TRPC1: variants seen among roughly 807,000 people sequenced by gnomAD.
TRPC1 encodes the protein transient receptor potential cation channel subfamily C member 1.
In TRPC1, 42 loss-of-function variants were observed where a neutral mutation model predicts 88.2. The observed-to-expected ratio is 0.48, with a 90% CI of 0.37 to 0.62. The LOEUF is 0.62. Ranked by LOEUF, TRPC1 falls within the 20% of genes least tolerant of loss-of-function variation. The probability of loss-of-function intolerance (pLI) is 0.00; values close to 1 mark genes in which losing one functional copy is unlikely to be tolerated. For synonymous variants in TRPC1, 288 were observed against 331.8 expected (o/e 0.87, Z 1.43); for missense variants, 699 against 957.3 (o/e 0.73, Z 3.56).
At chr3:142,778,650 T>G (rs1935863230) in intron 5 of TRPC1, among the ~76,000 whole-genome samples, 1 of 152,190 alleles carries the variant, frequency 6.6e-6, no homozygotes, top group Non-Finnish European at 1.5e-5. Flanking sequence ...TATTCCTACC[T>G]TTTCTTTCCT....
chr3:142,807,762 CTAAT>C lies in TRPC1; in HGVS notation c.*1530_*1533del, dbSNP rs983694619. The C allele has an allele frequency of 3.9e-5, 6 of 151,912 alleles. No homozygotes were observed. Among genetic ancestry groups the C allele is most frequent in the African/African-American group, 1.2e-4 (5 of 41,360 alleles). The allele number at this position is 151,912 out of a possible 1,614,324, so 9.4% of individuals were successfully genotyped here. A position where few individuals can be genotyped will look rare whatever the true frequency, so the allele number is the denominator to read the frequency against. Reference sequence around the variant, plus strand: ...GATTTTTAGTCATTCTAAAAAACACCTAATTATTAAAACATTTATAGAGTGCCTA... The same window carrying C: ...GATTTTTAGTCATTCTAAAAAACACCTATTAAAACATTTATAGAGTGCCTA... On this transcript the variant is annotated 3_prime_UTR_variant, in exon 13 of 13. Transcript: ENST00000476941.
chr3:142,759,053 A>AT (rs1454024704), intron 4 of TRPC1, among the ~76,000 whole-genome samples: 3 of 151,664 alleles, frequency 2.0e-5, no homozygotes, highest in East Asian at 1.9e-4. Flanking sequence ...TATGTGCCAC[A>AT]TTTTTTTTAT....
chr3:142,806,381 A>G lies in TRPC1; in HGVS notation c.*146A>G, dbSNP rs1017574973. On this transcript the variant is annotated 3_prime_UTR_variant, in exon 13 of 13. Transcript: ENST00000476941. ...TTTAAAATATTTATAGCATAAATAT[A>G]TGTTATGTAAAGTGTGTATATAGAA... 1.4e-6 allele frequency: 1 copy of G among 723,948 alleles called. No individual in the cohort carries two copies. The highest frequency in any genetic ancestry group is 1.8e-5 in the African/African-American group (1 of 56,044). The allele number at this position is 723,948 out of a possible 1,614,324, so 44.8% of individuals were successfully genotyped here. A position where few individuals can be genotyped will look rare whatever the true frequency, so the allele number is the denominator to read the frequency against.
intron 7 of TRPC1, among the ~76,000 whole-genome samples, chr3:142,787,861 A>G (rs1936179152): frequency 6.6e-6 from 1 of 152,200 alleles, no homozygotes; most frequent in South Asian, 2.1e-4. Flanking sequence ...TAAGTGAGCT[A>G]AGATCTAAAA....
intron 9 of TRPC1, among the ~76,000 whole-genome samples, chr3:142,800,922 GA>G (rs34332451): frequency 0.077 from 9,049 of 117,950 alleles, 538 homozygotes; most frequent in African/African-American, 0.18. Flanking sequence ...TAAAAAGAAA[GA>G]AAAAAAAAAA....
At chr3:142,764,097 T>C (rs1186390197) in intron 4 of TRPC1, among the ~76,000 whole-genome samples, 1 of 150,496 alleles carries the variant, frequency 6.6e-6, no homozygotes, top group East Asian at 1.9e-4. Context: ...AATTCTACAC[T>C]TTAGCTTCTT....
At chr3:142,769,890 C>G (rs527393036) in intron 4 of TRPC1, among the ~76,000 whole-genome samples, 2 of 152,096 alleles carry the variant, frequency 1.3e-5, no homozygotes, top group South Asian at 4.2e-4. Flanking sequence ...TCTGTTACGT[C>G]TAGTTCATTT....
Position 142,728,398 on chromosome 3 carries a change from C to T in TRPC1, c.172+3667C>T, listed in dbSNP as rs149003011. ...ACAGGCTGGAGTGCAGTGCAACCTC[C>T]GCCTCCCGGGTTCCAGCGATTCTCC... On this transcript the variant is annotated intron_variant, in intron 1 of 12. Transcript: ENST00000476941. Among the ~76,000 whole-genome samples the T allele has an allele frequency of 5.0e-3, 755 of 151,486 alleles. 9 individuals are homozygous for T. Among genetic ancestry groups the T allele is most frequent in the African/African-American group, 0.016 (658 of 41,226 alleles).
At chr3:142,778,068 A>T (rs1935843073) in intron 5 of TRPC1, among the ~76,000 whole-genome samples, 1 of 152,198 alleles carries the variant, frequency 6.6e-6, no homozygotes, top group Non-Finnish European at 1.5e-5. Context: ...AGCCTAAAGC[A>T]GGAGCAAATT....
At chr3:142,749,556 A>G (rs1010090209) in intron 4 of TRPC1, among the ~76,000 whole-genome samples, 2 of 152,182 alleles carry the variant, frequency 1.3e-5, no homozygotes, top group African/African-American at 4.8e-5. Context: ...CCTAGGCTTA[A>G]ACTAATGTGT....
chr3:142,736,684 CT>C, intron 2 of TRPC1, 151 bp downstream of exon 2: 1 of 786,986 alleles, frequency 1.3e-6, no homozygotes, highest in Non-Finnish European at 1.8e-6. Context: ...TGTCTTTCAT[CT>C]TTTATTTGGT....
At chr3:142,733,185 T>C (rs998011537) in intron 1 of TRPC1, among the ~76,000 whole-genome samples, 1 of 152,172 alleles carries the variant, frequency 6.6e-6, no homozygotes, top group African/African-American at 2.4e-5. Flanking sequence ...CTTTCTTTCT[T>C]GTATAGCTCC....
intron 3 of TRPC1, among the ~76,000 whole-genome samples, chr3:142,746,160 T>C (rs1934546560): frequency 6.6e-6 from 1 of 152,202 alleles, no homozygotes; most frequent in Non-Finnish European, 1.5e-5. Flanking sequence ...TATTGTTTCT[T>C]TTAGCGTTTC....
chr3:142,748,507 C>A (rs761183770), intron 4 of TRPC1, 47 bp downstream of exon 4: 1 of 1,568,664 alleles, frequency 6.4e-7, no homozygotes, highest in Non-Finnish European at 8.8e-7. Context: ...TATATATCAA[C>A]AATGTTGATT....
intron 2 of TRPC1, among the ~76,000 whole-genome samples, chr3:142,739,036 A>T (rs1042770477): frequency 6.6e-6 from 1 of 152,056 alleles, no homozygotes; most frequent in African/African-American, 2.4e-5. Context: ...CAATGGCGTG[A>T]TCTCGGCTCA....
Position 142,804,529 on chromosome 3 carries a change from A to C in TRPC1, c.2053A>C (p.Ile685Leu), listed in dbSNP as rs2108168482. 6.2e-7 allele frequency: 1 copy of C among 1,613,896 alleles called. No individual in the cohort carries two copies. Among genetic ancestry groups the C allele is most frequent in the Middle Eastern group, 1.7e-4 (1 of 6,054 alleles). The change falls in exon 12 of 13, where the codon ATT becomes CTT. Residue 685 changes from isoleucine to leucine, a missense_variant. Physicochemically the swap from Ile to Leu is conservative, Grantham distance 5. Transcript: ENST00000476941. ...TACGTTACCTCCACCTTTCAACATC[A>C]TTCCCTCACCAAAGACTATCTGCTA... ...KCTLPPPFNI[I>L]PSPKTICYMI...
rs1302418625 is a variant in TRPC1, at chr3:142,724,762, G to T, written c.172+31G>T. On this transcript the variant is annotated intron_variant, in intron 1 of 12. Transcript: ENST00000476941. The surrounding 1 kb of genome is among the most constrained non-coding windows in gnomAD (Gnocchi z 5.6). Reference sequence around the variant, plus strand: ...AGTTAGGCCCCTTTCTCCTCTGGACGCCCCTGTCCTCCAGACCTTTAGTCC... The same window carrying T: ...AGTTAGGCCCCTTTCTCCTCTGGACTCCCCTGTCCTCCAGACCTTTAGTCC... 2 of 1,524,818 alleles carry T rather than the reference G, an allele frequency of 1.3e-6. No individual in the cohort carries two copies. Among genetic ancestry groups the T allele is most frequent in the Admixed American group, 1.9e-5 (1 of 52,698 alleles). The allele number at this position is 1,524,818 out of a possible 1,614,324, so 94.5% of individuals were successfully genotyped here.
chr3:142,745,349 A>G (rs1037180417), intron 3 of TRPC1, among the ~76,000 whole-genome samples: 5 of 152,206 alleles, frequency 3.3e-5, no homozygotes, highest in Admixed American at 3.3e-4. Flanking sequence ...CATTATCACT[A>G]ACGATTAAAT....
chr3:142,743,467 C>CTTT lies in TRPC1; in HGVS notation c.328-7_328-5dup, dbSNP rs548918869. On this transcript the variant is annotated splice_polypyrimidine_tract_variant and intron_variant, in intron 2 of 12. Transcript: ENST00000476941. ...TTTTATCTTCCATTTTCATTTTTAA[C>CTTT]TTTTTTTTTTTTTGAAGTCTGCAGA... 42 of 1,155,238 alleles carry CTTT rather than the reference C, an allele frequency of 3.6e-5. No individual in the cohort carries two copies. Among genetic ancestry groups the CTTT allele is most frequent in the South Asian group, 1.3e-4 (8 of 62,058 alleles). 71.6% of individuals were successfully genotyped at this position (1,155,238 alleles called of 1,614,324 possible).
Sources: allele counts gnomAD v4.1 joint callset (sites outside exome capture counted in the v4.1 genomes callset), GRCh38; gene constraint gnomAD v4.1.1; non-coding constraint Gnocchi (gnomAD v3.1); transcripts MANE v1.5; gene names NCBI Gene and HGNC (gene_info 2026-07-23, HGNC 2026-07-21).